SYT1: variants seen among roughly 807,000 people sequenced by gnomAD.
SYT1 encodes the protein synaptotagmin 1.
SYT1 carries 8 observed loss-of-function variants against 44.8 expected under a neutral mutation model. That is an observed-to-expected ratio of 0.18 (90% CI 0.10 to 0.32). SYT1 has a LOEUF of 0.32. SYT1 is among the 10% of genes least tolerant of loss of function. The probability of loss-of-function intolerance (pLI) is 1.00; values close to 1 mark genes in which losing one functional copy is unlikely to be tolerated. For synonymous variants in SYT1, 154 were observed against 188.8 expected, an observed-to-expected ratio of 0.82 and a Z score of 1.51; for missense variants, 286 against 509.3, an observed-to-expected ratio of 0.56 and a Z score of 4.22.
intron 8 of SYT1, among the ~76,000 whole-genome samples, chr12:79,302,774 C>T (rs993910786): frequency 6.6e-6 from 1 of 152,050 alleles, no homozygotes; most frequent in African/African-American, 2.4e-5. Flanking sequence ...GATGCACGGT[C>T]GACTACTTTC....
Position 79,347,750 on chromosome 12 carries a change from G to A in SYT1, c.811-5752G>A, listed in dbSNP as rs1882673452. On this transcript the variant is annotated intron_variant, in intron 8 of 10. Transcript: ENST00000261205. ...AGAAAAACAAGTCTTTTCTCTTATGGATCTGATATTCTGGTGAGGAAAACC... is the reference window on the plus strand; with the variant it reads ...AGAAAAACAAGTCTTTTCTCTTATGAATCTGATATTCTGGTGAGGAAAACC... 2.6e-5 allele frequency among the ~76,000 whole-genome samples: 4 copies of A among 152,118 alleles called. No individual in the cohort carries two copies. The South Asian group carries it at 8.3e-4, about 32-fold the overall frequency.
chr12:79,407,013 T>C (rs899218954), intron 9 of SYT1, among the ~76,000 whole-genome samples: 1 of 152,128 alleles, frequency 6.6e-6, no homozygotes, highest in Non-Finnish European at 1.5e-5. Flanking sequence ...TTCATGGTTC[T>C]GAGCCTCAGT....
At chr12:79,166,797 C>G (rs1871247133) in intron 3 of SYT1, among the ~76,000 whole-genome samples, 2 of 152,060 alleles carry the variant, frequency 1.3e-5, no homozygotes, top group South Asian at 2.1e-4. Flanking sequence ...TTTAGAGATG[C>G]CTTTGCACAG....
chr12:78,908,874 G>A (rs1362638394), intron 1 of SYT1, among the ~76,000 whole-genome samples: 1 of 151,846 alleles, frequency 6.6e-6, no homozygotes, highest in Non-Finnish European at 1.5e-5. Flanking sequence ...GATTGATCAG[G>A]TTCTGGGACA....
intron 4 of SYT1, among the ~76,000 whole-genome samples, chr12:79,218,731 C>G (rs1414759133): frequency 2.0e-5 from 3 of 152,126 alleles, no homozygotes; most frequent in African/African-American, 7.2e-5. Context: ...AATGGTATCT[C>G]TCAAGTGGAT....
chr12:79,147,493 G>C (rs1869991785), intron 3 of SYT1, among the ~76,000 whole-genome samples: 3 of 151,970 alleles, frequency 2.0e-5, no homozygotes, highest in African/African-American at 7.2e-5. Context: ...TTGAAACTGG[G>C]GGAAAAAGAG....
At chr12:79,094,216 A>G (rs1877969642) in intron 3 of SYT1, among the ~76,000 whole-genome samples, 1 of 151,754 alleles carries the variant, frequency 6.6e-6, no homozygotes, top group Non-Finnish European at 1.5e-5. Context: ...ATATATTATA[A>G]ATCATAATTA....
chr12:79,114,030 A>C (rs1011108268), intron 3 of SYT1, among the ~76,000 whole-genome samples: 2 of 152,168 alleles, frequency 1.3e-5, no homozygotes, highest in Non-Finnish European at 2.9e-5. Context: ...AGCAGACCTC[A>C]TGGTCCTCAC....
intron 8 of SYT1, among the ~76,000 whole-genome samples, chr12:79,334,491 C>T (rs61928825): frequency 0.11 from 16,966 of 151,990 alleles, 1,414 homozygotes; most frequent in African/African-American, 0.24. Context: ...GAGGATATGA[C>T]AGTGAGAAAT....
intron 9 of SYT1, among the ~76,000 whole-genome samples, chr12:79,356,363 C>T (rs936493530): frequency 2.0e-5 from 3 of 151,956 alleles, no homozygotes; most frequent in Non-Finnish European, 4.4e-5. Context: ...TCTCACTAGA[C>T]TGTGTTCTGT....
At chr12:79,301,239 A>G (rs1187610793) in intron 8 of SYT1, among the ~76,000 whole-genome samples, 1 of 152,134 alleles carries the variant, frequency 6.6e-6, no homozygotes, top group Non-Finnish European at 1.5e-5. Context: ...CCACTTGTGC[A>G]GGGTGCATGG....
intron 9 of SYT1, among the ~76,000 whole-genome samples, chr12:79,426,375 T>G (rs1186021281): frequency 1.3e-5 from 2 of 152,178 alleles, no homozygotes; most frequent in African/African-American, 4.8e-5. Context: ...TCTAACCTTA[T>G]TCATACCACA....
intron 3 of SYT1, among the ~76,000 whole-genome samples, chr12:79,215,105 T>G (rs1444947136): frequency 6.6e-6 from 1 of 152,130 alleles, no homozygotes; most frequent in African/African-American, 2.4e-5. Flanking sequence ...GATGAGCTCC[T>G]AAACTGAACA....
intron 9 of SYT1, among the ~76,000 whole-genome samples, chr12:79,400,424 C>T (rs1467414711): frequency 1.3e-5 from 2 of 152,192 alleles, no homozygotes; most frequent in East Asian, 3.9e-4. Context: ...CCTAGAACTT[C>T]TGGCTTCTAC....
intron 3 of SYT1, among the ~76,000 whole-genome samples, chr12:79,120,187 G>A (rs1011294782): frequency 6.6e-6 from 1 of 152,100 alleles, no homozygotes; most frequent in African/African-American, 2.4e-5. Context: ...ATGCGGCGAT[G>A]AGAACCCAAT....
intron 9 of SYT1, among the ~76,000 whole-genome samples, chr12:79,440,173 G>T (rs1327826598): frequency 6.6e-6 from 1 of 152,140 alleles, no homozygotes; most frequent in East Asian, 1.9e-4. Flanking sequence ...AGCCAAGACT[G>T]TGCCACTGCA....
intron 9 of SYT1, among the ~76,000 whole-genome samples, chr12:79,373,333 T>G (rs910715325): frequency 6.6e-6 from 1 of 152,134 alleles, no homozygotes; most frequent in African/African-American, 2.4e-5. Context: ...GGTTTGTAAG[T>G]GTATATAGAC....
intron 2 of SYT1, among the ~76,000 whole-genome samples, chr12:78,985,179 A>G (rs1423450644): frequency 3.3e-5 from 5 of 151,898 alleles, no homozygotes; most frequent in African/African-American, 1.2e-4. Context: ...TTTGTGAAAA[A>G]TCATAATACA....
intron 4 of SYT1, among the ~76,000 whole-genome samples, chr12:79,257,793 A>G (rs112392483): frequency 6.6e-6 from 1 of 152,188 alleles, no homozygotes; most frequent in East Asian, 1.9e-4. Context: ...ATAAACCGAG[A>G]AAGAAAAGCA....
Sources: allele counts gnomAD v4.1 joint callset (sites outside exome capture counted in the v4.1 genomes callset), GRCh38; gene constraint gnomAD v4.1.1; transcripts MANE v1.5; gene names NCBI Gene and HGNC (gene_info 2026-07-23, HGNC 2026-07-21).